The following GRK5 variants were observed in gnomAD, a reference collection of about 807,000 sequenced individuals.
The protein encoded by GRK5 is G protein-coupled receptor kinase 5.
Under a neutral mutation model 78.4 loss-of-function variants are expected in GRK5, and 40 were observed. The ratio of observed to expected loss-of-function variants is 0.51; its 90% CI spans 0.40 to 0.66. GRK5 has a LOEUF of 0.66. Ranked by LOEUF, GRK5 falls within the 30% of genes least tolerant of loss-of-function variation. The pLI is 0.00. For synonymous variants in GRK5, 289 were observed against 296.8 expected (o/e 0.97, Z 0.27); for missense variants, 598 against 759.9 (o/e 0.79, Z 2.50).
At chr10:119,250,867 A>C (rs538799061) in intron 1 of GRK5, among the ~76,000 whole-genome samples, 91 of 152,282 alleles carry the variant, frequency 6.0e-4, no homozygotes, top group African/African-American at 2.0e-3. Context: ...TCACACTGAG[A>C]ACAATGCAGT....
intron 8 of GRK5, among the ~76,000 whole-genome samples, chr10:119,436,093 T>A (rs995754900): frequency 2.6e-5 from 4 of 152,170 alleles, no homozygotes; most frequent in African/African-American, 9.7e-5. Context: ...CCACAACACA[T>A]GGGAATTATG....
intron 1 of GRK5, among the ~76,000 whole-genome samples, chr10:119,287,722 G>T (rs552921982): frequency 6.6e-6 from 1 of 152,134 alleles, no homozygotes; most frequent in East Asian, 1.9e-4. Context: ...CCACACTGCT[G>T]TCCACACCTC....
At chr10:119,229,090 C>T (rs753070198) in intron 1 of GRK5, among the ~76,000 whole-genome samples, 3 of 152,148 alleles carry the variant, frequency 2.0e-5, no homozygotes, top group Non-Finnish European at 4.4e-5. Context: ...CTTTCAAATG[C>T]GAATTTGATT....
intron 8 of GRK5, among the ~76,000 whole-genome samples, chr10:119,435,982 T>C (rs957081187): frequency 6.6e-6 from 1 of 152,186 alleles, no homozygotes; most frequent in Admixed American, 6.5e-5. Flanking sequence ...GAAATGGGCT[T>C]CCCCTTATAA....
chr10:119,345,431 G>A (rs11198890), intron 2 of GRK5, among the ~76,000 whole-genome samples: 2,051 of 152,256 alleles, frequency 0.013, 26 homozygotes, highest in Admixed American at 0.023. Context: ...TAGCCTCACC[G>A]GGTAGAAACT....
chr10:119,219,123 G>A (rs77745449), intron 1 of GRK5, among the ~76,000 whole-genome samples: 3,020 of 152,178 alleles, frequency 0.02, 66 homozygotes, highest in South Asian at 0.06. Flanking sequence ...TCCTGACCTC[G>A]TGATCCTCCC....
chr10:119,324,204 C>G (rs1185783069), intron 1 of GRK5, among the ~76,000 whole-genome samples: 1 of 152,232 alleles, frequency 6.6e-6, no homozygotes, highest in African/African-American at 2.4e-5. Flanking sequence ...ATAGCAAGAG[C>G]CAGGGCCCAG....
chr10:119,329,765 C>T lies in GRK5; in HGVS notation c.148+3154C>T, dbSNP rs1025006043. On this transcript the variant is annotated intron_variant, in intron 2 of 15. Coordinates refer to ENST00000392870, the MANE Select transcript of GRK5 (RefSeq NM_005308.3). ...AAACAAAAACAAAAAAAACCTCCTTCCCCCTGCAGAAAAGCTTTTGCTGGC... is the reference window on the plus strand; with the variant it reads ...AAACAAAAACAAAAAAAACCTCCTTTCCCCTGCAGAAAAGCTTTTGCTGGC... Among the ~76,000 whole-genome samples the T allele has an allele frequency of 2.0e-5, 3 of 152,166 alleles. No individual in the cohort carries two copies. The East Asian group carries it at 5.8e-4, about 29-fold the overall frequency.
intron 3 of GRK5, among the ~76,000 whole-genome samples, chr10:119,385,156 T>A (rs1851773473): frequency 6.6e-6 from 1 of 152,126 alleles, no homozygotes; most frequent in Non-Finnish European, 1.5e-5. Context: ...GAGGTGATCA[T>A]GTAAAACTTT....
intron 2 of GRK5, among the ~76,000 whole-genome samples, chr10:119,370,457 G>A (rs1441307624): frequency 6.6e-6 from 1 of 152,246 alleles, no homozygotes; most frequent in Non-Finnish European, 1.5e-5. Context: ...TGGTTTGGGT[G>A]TGTTTGTGTG....
intron 4 of GRK5, among the ~76,000 whole-genome samples, chr10:119,420,345 C>CAAAAAAAA (rs869198771): frequency 1.4e-5 from 1 of 71,160 alleles, no homozygotes; most frequent in Admixed American, 1.7e-4. Context: ...CTAAAACAAA[C>CAAAAAAAA]AAACAAACAA....
intron 11 of GRK5, among the ~76,000 whole-genome samples, 162 bp downstream of exon 11, chr10:119,442,250 C>T (rs1853052978): frequency 6.6e-6 from 1 of 152,226 alleles, no homozygotes. Flanking sequence ...GCGGCCTTAG[C>T]CAGGGGGAGG....
In GRK5 at chr10:119,412,459, G is replaced by A. The variant is rs1043490564; in HGVS notation, c.340-10707G>A. Among the ~76,000 whole-genome samples, 11 of 152,198 alleles carry A rather than the reference G, an allele frequency of 7.2e-5. No individual in the cohort carries two copies. Among genetic ancestry groups the A allele is most frequent in the African/African-American group, 1.4e-4 (6 of 41,460 alleles). ...GGAGGGAGGGACAGGCCACGAGCCC[G>A]CACAGCTCGTGAGCGTGTGGCCGGA... On this transcript the variant is annotated intron_variant, in intron 4 of 15. Coordinates refer to ENST00000392870, the MANE Select transcript of GRK5 (RefSeq NM_005308.3). This position sits in a 1 kb window ranked among gnomAD's most constrained non-coding sequence, Gnocchi z 4.3.
chr10:119,261,829 A>C (rs916009920), intron 1 of GRK5, among the ~76,000 whole-genome samples: 6 of 152,236 alleles, frequency 3.9e-5, no homozygotes, highest in African/African-American at 1.4e-4. Flanking sequence ...GGGAGGTTGC[A>C]GTGAGCCGAG....
chr10:119,371,054 C>T (rs551393439), intron 2 of GRK5, among the ~76,000 whole-genome samples: 6 of 150,754 alleles, frequency 4.0e-5, no homozygotes, highest in Admixed American at 6.6e-5. Context: ...ATTTCCATTT[C>T]CTCAGGAAGC....
chr10:119,423,375 C>A, intron 5 of GRK5, 109 bp downstream of exon 5: 1 of 711,336 alleles, frequency 1.4e-6, no homozygotes, highest in Non-Finnish European at 2.5e-6. Flanking sequence ...CCATGCCTGA[C>A]AGCTTCAGCC....
chr10:119,442,131 C>A (rs370702674), intron 11 of GRK5, 43 bp downstream of exon 11: 2 of 1,519,514 alleles, frequency 1.3e-6, no homozygotes, highest in South Asian at 1.1e-5. Flanking sequence ...TGAGACCCAC[C>A]ACCTGCTCAC....
rs1848591892 is a variant in GRK5, at chr10:119,217,365, A to G, written c.52+9396A>G. ...ATTTTAAAAGTAGAACTGTGTATCA[A>G]TACAACTGAATCTGTGTTTGAGGAC... is the stretch of plus-strand genomic sequence containing the variant. On this transcript the variant is annotated intron_variant, in intron 1 of 15. Transcript: ENST00000392870. This position sits in a 1 kb window ranked among gnomAD's most constrained non-coding sequence, Gnocchi z 4.1. Among the ~76,000 whole-genome samples, 1 of 152,256 alleles carries G rather than the reference A, an allele frequency of 6.6e-6. No individual in the cohort carries two copies. The highest frequency in any genetic ancestry group is 2.1e-4 in the South Asian group (1 of 4,834).
At chr10:119,226,342 A>T (rs1192843756) in intron 1 of GRK5, among the ~76,000 whole-genome samples, 12 of 118,544 alleles carry the variant, frequency 1.0e-4, no homozygotes, top group Non-Finnish European at 1.6e-4. Context: ...GATGAAGCCT[A>T]ACTCTGTCAC....
Sources: gnomAD v4.1 joint callset for allele counts (sites outside exome capture counted in the v4.1 genomes callset) on GRCh38, gnomAD v4.1.1 for gene constraint, Gnocchi (gnomAD v3.1) non-coding constraint, MANE v1.5 for transcripts, NCBI Gene and HGNC (gene_info 2026-07-23, HGNC 2026-07-21) for gene names.